IGF1: variants seen among roughly 807,000 people sequenced by gnomAD.
IGF1 encodes the protein insulin-like growth factor 1.
In IGF1, 4 loss-of-function variants were observed where a neutral mutation model predicts 13.8. The observed-to-expected ratio is 0.29, with a 90% CI of 0.14 to 0.66. IGF1 has a LOEUF of 0.66. Ranked by LOEUF, IGF1 falls within the 30% of genes least tolerant of loss-of-function variation. The probability of loss-of-function intolerance (pLI) is 0.78; values close to 1 mark genes in which losing one functional copy is unlikely to be tolerated. For synonymous variants in IGF1, 76 were observed against 72.6 expected (o/e 1.05, Z -0.23); for missense variants, 124 against 188.5 (o/e 0.66, Z 2.00).
At chr12:102,453,721 A>C (rs556601825) in intron 2 of IGF1, among the ~76,000 whole-genome samples, 12 of 152,330 alleles carry the variant, frequency 7.9e-5, no homozygotes, top group African/African-American at 2.9e-4. Context: ...ATGGAAGAAG[A>C]AGCAAAGAAT....
At chr12:102,435,756 A>G (rs983818507) in intron 2 of IGF1, among the ~76,000 whole-genome samples, 4 of 152,172 alleles carry the variant, frequency 2.6e-5, no homozygotes, top group African/African-American at 9.7e-5. Context: ...GATAACTAAC[A>G]CATACTAGTG....
chr12:102,445,422 G>A (rs956807325), intron 2 of IGF1, among the ~76,000 whole-genome samples: 1 of 152,144 alleles, frequency 6.6e-6, no homozygotes, highest in Admixed American at 6.5e-5. Context: ...TTGAGCAGTG[G>A]TTTGTAGTTC....
At chr12:102,475,428 A>C (rs1440697164) in intron 2 of IGF1, among the ~76,000 whole-genome samples, 1 of 152,102 alleles carries the variant, frequency 6.6e-6, no homozygotes, top group Non-Finnish European at 1.5e-5. Flanking sequence ...GTTAAAGACG[A>C]ATTGTTAAGG....
At chr12:102,440,045 A>G (rs1344404916) in intron 2 of IGF1, among the ~76,000 whole-genome samples, 1 of 152,200 alleles carries the variant, frequency 6.6e-6, no homozygotes, top group Non-Finnish European at 1.5e-5. Flanking sequence ...AGGCTTAGCT[A>G]GAGGCAAGGG....
chr12:102,404,135 A>C (rs1284255261), intron 3 of IGF1, among the ~76,000 whole-genome samples: 2 of 152,152 alleles, frequency 1.3e-5, no homozygotes, highest in Non-Finnish European at 1.5e-5. Flanking sequence ...CTACAGAAGG[A>C]TGTAATGGAT....
chr12:102,477,997 CTTT>C (rs66470486), intron 1 of IGF1, among the ~76,000 whole-genome samples: 212 of 127,502 alleles, frequency 1.7e-3, no homozygotes, highest in African/African-American at 5.2e-3. Flanking sequence ...TTCTCTTTTT[CTTT>C]TTTTTTTTTT....
chr12:102,407,094 CAAAAAAAAAAAAAAAAAAAAAAA>C (rs57468885), intron 3 of IGF1, among the ~76,000 whole-genome samples: 22 of 100,978 alleles, frequency 2.2e-4, no homozygotes, highest in East Asian at 9.7e-4. Context: ...ACTCTGTCTC[CAAAAAAAAAAAAAAAAAAAAAAA>C]AAAAAAAAAA....
At chr12:102,422,148 G>C (rs760001424) in intron 2 of IGF1, among the ~76,000 whole-genome samples, 2 of 152,158 alleles carry the variant, frequency 1.3e-5, no homozygotes, top group Non-Finnish European at 2.9e-5. Context: ...TTAGTCTGTA[G>C]ATCGATGGGT....
chr12:102,417,557 C>A (rs1417517949), intron 3 of IGF1: 2 of 1,187,710 alleles, frequency 1.7e-6, no homozygotes, highest in African/African-American at 1.6e-5. Context: ...TTTTTTGCCT[C>A]TTTTATAATT....
At chr12:102,417,407 A>G in intron 3 of IGF1, 1 of 393,418 alleles carries the variant, frequency 2.5e-6, no homozygotes, top group Non-Finnish European at 3.5e-6. Context: ...TGGGGCTAAT[A>G]TTTAACTCTG....
intron 2 of IGF1, among the ~76,000 whole-genome samples, chr12:102,461,505 G>A (rs1307753264): frequency 6.7e-6 from 1 of 148,862 alleles, no homozygotes; most frequent in Non-Finnish European, 1.5e-5. Flanking sequence ...CATAACAAAA[G>A]ATGAAATTTG....
chr12:102,418,242 A>C (rs1030437378), intron 3 of IGF1, among the ~76,000 whole-genome samples: 2 of 152,222 alleles, frequency 1.3e-5, no homozygotes, highest in African/African-American at 4.8e-5. Flanking sequence ...AGAAAGAATG[A>C]ATCTGCCTTT....
intron 3 of IGF1, among the ~76,000 whole-genome samples, chr12:102,418,838 G>T (rs1384076439): frequency 6.6e-6 from 1 of 152,210 alleles, no homozygotes; most frequent in African/African-American, 2.4e-5. Flanking sequence ...AGAAAATGAT[G>T]CCTGCAGATT....
intron 2 of IGF1, among the ~76,000 whole-genome samples, chr12:102,446,393 A>G (rs946143498): frequency 6.6e-6 from 1 of 152,084 alleles, no homozygotes; most frequent in Non-Finnish European, 1.5e-5. Flanking sequence ...TACTGCCTCA[A>G]TTTCAGAACT....
At position 102,402,473 on chromosome 12, in the gene IGF1, G is replaced by T. The variant is rs765532484; in HGVS notation, c.*34C>A. On this transcript the variant is annotated 3_prime_UTR_variant, in exon 4 of 4. Coordinates refer to ENST00000337514, the MANE Select transcript of IGF1 (RefSeq NM_000618.5). ...CGTGCAGAGCAAAGGATCCTGCGGTGGCATGTCACTCTTCACTCCTCAGGA... is the reference window on the plus strand; with the variant it reads ...CGTGCAGAGCAAAGGATCCTGCGGTTGCATGTCACTCTTCACTCCTCAGGA... 2.4e-5 allele frequency: 19 copies of T among 780,676 alleles called. No homozygotes were observed. In the South Asian group the frequency reaches 2.5e-4, roughly 10 times the overall value. The allele number at this position is 780,676 out of a possible 1,614,324, so 48.4% of individuals were successfully genotyped here. A position where few individuals can be genotyped will look rare whatever the true frequency, so the allele number is the denominator to read the frequency against.
chr12:102,409,154 C>CTCAGTCATT (rs1449979764), intron 3 of IGF1, among the ~76,000 whole-genome samples: 1 of 152,096 alleles, frequency 6.6e-6, no homozygotes, highest in African/African-American at 2.4e-5. Flanking sequence ...TGTAATAACC[C>CTCAGTCATT]TCAGTCATTT....
intron 2 of IGF1, among the ~76,000 whole-genome samples, chr12:102,423,875 A>C (rs2137019218): frequency 6.6e-6 from 1 of 152,308 alleles, no homozygotes; most frequent in South Asian, 2.1e-4. Context: ...TCACTTCTAG[A>C]ACAAAGGACT....
chr12:102,443,522 A>G (rs1425174103), intron 2 of IGF1, among the ~76,000 whole-genome samples: 1 of 152,084 alleles, frequency 6.6e-6, no homozygotes, highest in Non-Finnish European at 1.5e-5. Context: ...TGAACTATGT[A>G]TCTTGGGACT....
intron 2 of IGF1, among the ~76,000 whole-genome samples, chr12:102,450,156 G>A (rs530428327): frequency 3.0e-4 from 45 of 152,214 alleles, no homozygotes; most frequent in African/African-American, 7.7e-4. Context: ...TTCTTCCCAG[G>A]GTTTTTATAT....
Sources: allele counts gnomAD v4.1 joint callset (sites outside exome capture counted in the v4.1 genomes callset), GRCh38; gene constraint gnomAD v4.1.1; transcripts MANE v1.5; gene names NCBI Gene and HGNC (gene_info 2026-07-23, HGNC 2026-07-21).